RBFOX1: variants seen among roughly 807,000 people sequenced by gnomAD.
RBFOX1 encodes the protein RNA binding protein fox-1 homolog 1.
RBFOX1 carries 8 observed loss-of-function variants against 57.7 expected under a neutral mutation model. That is an observed-to-expected ratio of 0.14 (90% CI 0.08 to 0.25). RBFOX1 has a LOEUF of 0.25. Ranked by LOEUF, RBFOX1 falls within the 10% of genes least tolerant of loss-of-function variation. The pLI is 1.00. For synonymous variants in RBFOX1, 326 were observed against 222.4 expected, an observed-to-expected ratio of 1.47 and a Z score of -4.15; for missense variants, 611 against 548.5, an observed-to-expected ratio of 1.11 and a Z score of -1.14.
At chr16:5,387,674 A>G (rs1029124590) in intron 1 of RBFOX1, among the ~76,000 whole-genome samples, 4 of 152,226 alleles carry the variant, frequency 2.6e-5, no homozygotes, top group Non-Finnish European at 4.4e-5. Context: ...GATGTCTGGC[A>G]TGAAAGGTGG....
intron 4 of RBFOX1, among the ~76,000 whole-genome samples, chr16:7,275,594 C>T (rs2095424929): frequency 6.6e-6 from 1 of 152,122 alleles, no homozygotes; most frequent in Non-Finnish European, 1.5e-5. Flanking sequence ...TCTGGAAAGC[C>T]TGCTAATTTA....
At chr16:5,478,448 G>A (rs991510347) in intron 2 of RBFOX1, among the ~76,000 whole-genome samples, 3 of 152,100 alleles carry the variant, frequency 2.0e-5, no homozygotes, top group Non-Finnish European at 4.4e-5. Context: ...GACATCTAAA[G>A]CTCTAGACAG....
At chr16:6,859,155 ATATATATACG>A (rs2058512269) in intron 3 of RBFOX1, among the ~76,000 whole-genome samples, 15 of 60,218 alleles carry the variant, frequency 2.5e-4, no homozygotes, top group African/African-American at 7.8e-4. Flanking sequence ...ATATATATGT[ATATATATACG>A]TATATATATG....
rs113771102 is a variant in RBFOX1 at position 7,091,365 on chromosome 16, CT to C, written c.27+39278del. Among the ~76,000 whole-genome samples, 605 of 145,830 alleles carry C rather than the reference CT, an allele frequency of 4.1e-3. 5 individuals are homozygous for C. Among genetic ancestry groups the C allele is most frequent in the African/African-American group, 6.4e-3 (255 of 39,912 alleles). Reference sequence around the variant, plus strand: ...ACACTTCATCCTCACCTTTTAAAAACTTTTTTTTTTTAGAAATATCATTTTA... The same window carrying C: ...ACACTTCATCCTCACCTTTTAAAAACTTTTTTTTTTAGAAATATCATTTTA... On this transcript the variant is annotated intron_variant, in intron 4 of 15. Coordinates refer to ENST00000550418, the MANE Select transcript of RBFOX1 (RefSeq NM_018723.4).
chr16:5,673,031 T>C (rs1276045336), intron 3 of RBFOX1, among the ~76,000 whole-genome samples: 2 of 151,950 alleles, frequency 1.3e-5, no homozygotes, highest in African/African-American at 4.8e-5. Context: ...CTGGGGTGGG[T>C]GAGATGGTGG....
intron 2 of RBFOX1, among the ~76,000 whole-genome samples, chr16:6,582,688 C>G (rs1234591629): frequency 2.0e-5 from 3 of 151,404 alleles, no homozygotes; most frequent in Admixed American, 6.6e-5. Flanking sequence ...CACCATTTCT[C>G]TCTTCTCACT....
At chr16:6,797,572 C>A (rs1347743780) in intron 3 of RBFOX1, among the ~76,000 whole-genome samples, 1 of 152,100 alleles carries the variant, frequency 6.6e-6, no homozygotes, top group Non-Finnish European at 1.5e-5. Context: ...AAAAGAAGCA[C>A]TTTCCATTTT....
intron 1 of RBFOX1, among the ~76,000 whole-genome samples, chr16:5,251,675 C>A (rs556034744): frequency 2.0e-5 from 3 of 151,922 alleles, no homozygotes; most frequent in Non-Finnish European, 4.4e-5. Flanking sequence ...GGAGTGAGGG[C>A]GGGGAATTCA....
intron 4 of RBFOX1, among the ~76,000 whole-genome samples, chr16:7,209,051 T>C (rs1041574737): frequency 6.6e-6 from 1 of 151,914 alleles, no homozygotes; most frequent in Non-Finnish European, 1.5e-5. Context: ...TCCCAGCACT[T>C]TGGGAGGCCG....
rs183428106 is a variant in RBFOX1, at chr16:5,561,467, G to T, written c.259-37435G>T. ...CATTCTCTTTCTTTCCTGCCTTATA[G>T]ACACTTCTGGAAGCAGGTCTGTTTA... On this transcript the variant is annotated intron_variant, in intron 2 of 2. Coordinates refer to the RBFOX1 transcript ENST00000585867. Among the ~76,000 whole-genome samples the T allele has an allele frequency of 5.3e-5, 8 of 151,916 alleles. No individual in the cohort carries two copies. The East Asian group carries it at 1.6e-3, about 30-fold the overall frequency.
intron 1 of RBFOX1, among the ~76,000 whole-genome samples, chr16:6,213,702 C>T (rs1045118741): frequency 6.6e-6 from 1 of 152,160 alleles, no homozygotes; most frequent in African/African-American, 2.4e-5. Flanking sequence ...TCATTCTGTG[C>T]TTAAGAGCAA....
intron 1 of RBFOX1, among the ~76,000 whole-genome samples, chr16:6,237,477 C>G (rs2097513917): frequency 6.6e-6 from 1 of 152,106 alleles, no homozygotes; most frequent in African/African-American, 2.4e-5. Context: ...GTTCTAAAAC[C>G]AGAAAAAGAA....
intron 1 of RBFOX1, among the ~76,000 whole-genome samples, chr16:6,111,709 G>A (rs746195298): frequency 6.6e-6 from 1 of 152,166 alleles, no homozygotes; most frequent in Non-Finnish European, 1.5e-5. Flanking sequence ...GGGGCAAAAT[G>A]CAGCATGATT....
Position 6,887,785 on chromosome 16 carries a change from C to T in RBFOX1, c.-15-164272C>T, listed in dbSNP as rs531044197. On this transcript the variant is annotated intron_variant, in intron 3 of 15. Transcript: ENST00000550418. ...TCAAGTGATTCTCCAGCCTCAGCCT[C>T]CTGAGTAGCTGGGTTTACAGGCACT... is the stretch of plus-strand genomic sequence containing the variant. Among the ~76,000 whole-genome samples, 5 of 152,092 alleles carry T rather than the reference C, an allele frequency of 3.3e-5. No individual in the cohort carries two copies. The South Asian group carries it at 8.3e-4, about 25-fold the overall frequency.
intron 4 of RBFOX1, among the ~76,000 whole-genome samples, chr16:7,363,844 C>T (rs1305767879): frequency 6.6e-6 from 1 of 151,982 alleles, no homozygotes; most frequent in East Asian, 1.9e-4. Context: ...TGTTTATTAT[C>T]TGGGTGGAGG....
At chr16:6,611,256 C>A (rs1401593997) in intron 2 of RBFOX1, among the ~76,000 whole-genome samples, 2 of 152,128 alleles carry the variant, frequency 1.3e-5, no homozygotes, top group Non-Finnish European at 2.9e-5. Flanking sequence ...AAGCAATTCT[C>A]CTGCCTCAGC....
chr16:5,707,848 A>G (rs1467802286), intron 3 of RBFOX1, among the ~76,000 whole-genome samples: 1 of 152,220 alleles, frequency 6.6e-6, no homozygotes, highest in Admixed American at 6.5e-5. Flanking sequence ...GTAGTAGTTA[A>G]GAATGCCATT....
chr16:5,737,346 G>A (rs117821665), intron 3 of RBFOX1, among the ~76,000 whole-genome samples: 2 of 152,108 alleles, frequency 1.3e-5, no homozygotes, highest in Non-Finnish European at 2.9e-5. Flanking sequence ...TTACCCAGGC[G>A]TGGTGGCGTG....
intron 4 of RBFOX1, among the ~76,000 whole-genome samples, chr16:7,267,096 A>G (rs2095173052): frequency 1.3e-5 from 2 of 152,094 alleles, no homozygotes; most frequent in South Asian, 4.2e-4. Context: ...CACTGTGGAG[A>G]GTTTGAGTGT....
Sources: allele counts gnomAD v4.1 joint callset (sites outside exome capture counted in the v4.1 genomes callset), GRCh38; gene constraint gnomAD v4.1.1; transcripts MANE v1.5; gene names NCBI Gene and HGNC (gene_info 2026-07-23, HGNC 2026-07-21).